The following TMEM65 variants were observed in gnomAD, a reference collection of about 807,000 sequenced individuals.
TMEM65 encodes the protein transmembrane protein 65.
In TMEM65, 22 loss-of-function variants were observed where a neutral mutation model predicts 25.4. The observed-to-expected ratio is 0.86, with a 90% confidence interval of 0.62 to 1.23. TMEM65 has a LOEUF of 1.23. TMEM65 is among the 50% of genes most tolerant of loss of function. TMEM65 has a pLI of 0.00. For synonymous variants in TMEM65, 132 were observed against 126.2 expected (o/e 1.05, Z -0.31); for missense variants, 262 against 308.2 (o/e 0.85, Z 1.12).
chr8:124,351,214 T>A (rs1322150010), intron 1 of TMEM65: 1 of 687,466 alleles, frequency 1.5e-6, no homozygotes, highest in Non-Finnish European at 1.8e-6. Context: ...AAGTGCCACA[T>A]GCTAGTATAC....
intron 1 of TMEM65, among the ~76,000 whole-genome samples, chr8:124,339,894 A>C (rs958716955): frequency 6.6e-6 from 1 of 152,104 alleles, no homozygotes; most frequent in Non-Finnish European, 1.5e-5. Flanking sequence ...ACTAAGGACA[A>C]CTTAGAATTA....
At chr8:124,349,334 C>CT (rs1279349854) in intron 1 of TMEM65, among the ~76,000 whole-genome samples, 3 of 129,226 alleles carry the variant, frequency 2.3e-5, no homozygotes, top group African/African-American at 5.5e-5. Flanking sequence ...CCTTCAGATA[C>CT]ATTTTTTTTA....
rs1411051912 is a variant in TMEM65 at position 124,372,643 on chromosome 8, AG to A, written c.-487del. The A allele has an allele frequency of 6.2e-6, 1 of 160,710 alleles. No individual in the cohort carries two copies. Among genetic ancestry groups the A allele is most frequent in the Non-Finnish European group, 1.3e-5 (1 of 75,002 alleles). 10.0% of individuals were successfully genotyped at this position (160,710 alleles called of 1,614,324 possible). On this transcript the variant is annotated 5_prime_UTR_variant, in exon 1 of 7. Transcript: ENST00000297632. Reference sequence around the variant, plus strand: ...TGTAAGGTTCCCGAGCCCTCAAAGCAGCCGCGCTCCCGAGCCGCAGCCGCCG... The same window carrying A: ...TGTAAGGTTCCCGAGCCCTCAAAGCACCGCGCTCCCGAGCCGCAGCCGCCG...
At chr8:124,337,612 A>G (rs1461267974) in intron 1 of TMEM65, among the ~76,000 whole-genome samples, 1 of 152,076 alleles carries the variant, frequency 6.6e-6, no homozygotes, top group East Asian at 1.9e-4. Context: ...TTTAGATTTC[A>G]CATTTTAAAG....
At chr8:124,350,468 C>T (rs1814693310) in intron 1 of TMEM65, among the ~76,000 whole-genome samples, 1 of 84,928 alleles carries the variant, frequency 1.2e-5, no homozygotes, top group Non-Finnish European at 2.6e-5. Context: ...CTTTCCCTCT[C>T]TCTCTCTCTC....
At chr8:124,348,373 C>G (rs1035059713) in intron 1 of TMEM65, among the ~76,000 whole-genome samples, 2 of 151,876 alleles carry the variant, frequency 1.3e-5, no homozygotes, top group African/African-American at 2.4e-5. Flanking sequence ...CTTCTAAACA[C>G]AGAAAATTAT....
Position 124,307,438 on chromosome 8 carries a change from A to G in TMEM65, c.*6522T>C, listed in dbSNP as rs1333836893. ...ATCCTTCAAGATAAATGAATCCAGC[A>G]TAAGGACCACTGTTAAAAAAAATTA... On this transcript the variant is annotated 3_prime_UTR_variant, in exon 7 of 7. Coordinates refer to ENST00000297632, the MANE Select transcript of TMEM65 (RefSeq NM_194291.3). 6.7e-6 allele frequency: 1 copy of G among 149,466 alleles called. No homozygotes were observed. The highest frequency in any genetic ancestry group is 1.5e-5 in the Non-Finnish European group (1 of 67,254). The allele number at this position is 149,466 out of a possible 1,614,324, so 9.3% of individuals were successfully genotyped here. A position where few individuals can be genotyped will look rare whatever the true frequency, so the allele number is the denominator to read the frequency against.
At chr8:124,346,169 G>A (rs1413701958) in intron 1 of TMEM65, among the ~76,000 whole-genome samples, 3 of 152,320 alleles carry the variant, frequency 2.0e-5, no homozygotes, top group East Asian at 1.9e-4. Flanking sequence ...GAGACAGAGC[G>A]TGCAGGGAAA....
chr8:124,372,194 GC>G lies in TMEM65; in HGVS notation c.-38del. 7.8e-7 allele frequency: 1 copy of G among 1,281,562 alleles called. No homozygotes were observed. The highest frequency in any genetic ancestry group is 9.9e-7 in the Non-Finnish European group (1 of 1,009,340). 79.4% of individuals were successfully genotyped at this position (1,281,562 alleles called of 1,614,324 possible). On this transcript the variant is annotated 5_prime_UTR_variant, in exon 1 of 7. Coordinates refer to ENST00000297632, the MANE Select transcript of TMEM65 (RefSeq NM_194291.3). ...GAGCTGGGACCCCCGCGGCCGTCCG[GC>G]AAGGCGGTTTCTGGCGCGGCTGAGG...
chr8:124,350,868 A>G, intron 1 of TMEM65: 2 of 394,234 alleles, frequency 5.1e-6, no homozygotes, highest in Non-Finnish European at 6.9e-6. Context: ...TAAAGTTATA[A>G]AATTTAATCC....
Position 124,313,727 on chromosome 8 carries a change from T to C in TMEM65, c.*233A>G. 4.6e-6 allele frequency: 2 copies of C among 437,566 alleles called. No homozygotes were observed. Among genetic ancestry groups the C allele is most frequent in the Non-Finnish European group, 8.1e-6 (2 of 246,590 alleles). 27.1% of individuals were successfully genotyped at this position (437,566 alleles called of 1,614,324 possible). ...TAAAAAGAAAGGATAAAATGTTGAC[T>C]GCTATTGATGAAAAAGCATTTCAAC... On this transcript the variant is annotated 3_prime_UTR_variant, in exon 7 of 7. Coordinates refer to ENST00000297632, the MANE Select transcript of TMEM65 (RefSeq NM_194291.3).
rs1242799094 is a variant in TMEM65, at chr8:124,308,041, G to A, written c.*5919C>T. Reference sequence around the variant, plus strand: ...AGCTGTTAACTCCCAAGTCTTGAAGGGAAAAGATAAACACCAGCTGCCAGT... The same window carrying A: ...AGCTGTTAACTCCCAAGTCTTGAAGAGAAAAGATAAACACCAGCTGCCAGT... On this transcript the variant is annotated 3_prime_UTR_variant, in exon 7 of 7. Transcript: ENST00000297632. The A allele has an allele frequency of 6.6e-6, 1 of 152,126 alleles. No individual in the cohort carries two copies. The highest frequency in any genetic ancestry group is 2.4e-5 in the African/African-American group (1 of 41,428). 9.4% of individuals were successfully genotyped at this position (152,126 alleles called of 1,614,324 possible).
At chr8:124,370,910 A>C (rs2131235971) in intron 1 of TMEM65, among the ~76,000 whole-genome samples, 1 of 152,334 alleles carries the variant, frequency 6.6e-6, no homozygotes, top group Non-Finnish European at 1.5e-5. Context: ...AAACTGAAGC[A>C]ATGTGTTTTG....
intron 1 of TMEM65, among the ~76,000 whole-genome samples, chr8:124,340,262 T>C (rs1489168190): frequency 6.6e-6 from 1 of 152,184 alleles, no homozygotes; most frequent in Non-Finnish European, 1.5e-5. Context: ...GTGTAAGATC[T>C]GTTTCTGTTT....
At position 124,372,268 on chromosome 8, in the gene TMEM65, C is replaced by A. The variant is rs1815029604; in HGVS notation, c.-111G>T. On this transcript the variant is annotated 5_prime_UTR_variant, in exon 1 of 7. Transcript: ENST00000297632. ...CGACCCCGCCCCGAGGTCCTCCTGC[C>A]AGGCAGCCGAGGCGCCGGGCACCAT... 2.8e-6 allele frequency: 3 copies of A among 1,064,760 alleles called. No homozygotes were observed. Among genetic ancestry groups the A allele is most frequent in the South Asian group, 4.6e-5 (2 of 43,162 alleles). The allele number at this position is 1,064,760 out of a possible 1,614,324, so 66.0% of individuals were successfully genotyped here. A position where few individuals can be genotyped will look rare whatever the true frequency, so the allele number is the denominator to read the frequency against.
At chr8:124,316,775 G>T (rs1016269437) in intron 6 of TMEM65, among the ~76,000 whole-genome samples, 11 of 152,176 alleles carry the variant, frequency 7.2e-5, no homozygotes, top group African/African-American at 2.7e-4. Context: ...TTGCTAGAAT[G>T]TTAGAATATC....
intron 2 of TMEM65, among the ~76,000 whole-genome samples, chr8:124,329,364 A>G (rs888694226): frequency 1.3e-5 from 2 of 152,030 alleles, no homozygotes; most frequent in Admixed American, 6.6e-5. Context: ...AAACATTTAC[A>G]GTGAAGAGAA....
chr8:124,349,421 T>G (rs913326205), intron 1 of TMEM65, among the ~76,000 whole-genome samples: 1 of 152,170 alleles, frequency 6.6e-6, no homozygotes, highest in Non-Finnish European at 1.5e-5. Context: ...GTTTTTTGAA[T>G]GGAGGTATTA....
At chr8:124,344,200 T>A (rs1349014653) in intron 1 of TMEM65, among the ~76,000 whole-genome samples, 1 of 152,234 alleles carries the variant, frequency 6.6e-6, no homozygotes, top group African/African-American at 2.4e-5. Context: ...GGAACCAATG[T>A]GGTTTAGGGA....
Sources: allele counts gnomAD v4.1 joint callset (sites outside exome capture counted in the v4.1 genomes callset), GRCh38; gene constraint gnomAD v4.1.1; transcripts MANE v1.5; gene names NCBI Gene and HGNC (gene_info 2026-07-23, HGNC 2026-07-21).